Variants in BZW2 observed in about 807,000 individuals in gnomAD.
BZW2 encodes the protein eIF5-mimic protein 1.
Under a neutral mutation model 53.2 loss-of-function variants are expected in BZW2, and 23 were observed. That is an observed-to-expected ratio of 0.43 (90% CI 0.31 to 0.61). The LOEUF (loss-of-function observed/expected upper bound fraction) is 0.61. BZW2 is among the 20% of genes least tolerant of loss of function. BZW2 has a pLI of 0.09. For missense variants in BZW2, 409 were observed against 503.1 expected (o/e 0.81, Z 1.79); for synonymous variants, 227 against 186.4 (o/e 1.22, Z -1.77).
intron 1 of BZW2, among the ~76,000 whole-genome samples, chr7:16,653,578 A>G (rs1782041334): frequency 6.6e-6 from 1 of 152,208 alleles, no homozygotes; most frequent in Non-Finnish European, 1.5e-5. Flanking sequence ...AGTAAATCTC[A>G]TATAAAATCA....
chr7:16,671,507 G>A (rs1304980668), intron 2 of BZW2, among the ~76,000 whole-genome samples: 1 of 152,134 alleles, frequency 6.6e-6, no homozygotes, highest in Non-Finnish European at 1.5e-5. Flanking sequence ...TTATCCACAA[G>A]AGTACTATTG....
At chr7:16,650,103 A>T (rs1164297689) in intron 1 of BZW2, among the ~76,000 whole-genome samples, 1 of 152,186 alleles carries the variant, frequency 6.6e-6, no homozygotes, top group Non-Finnish European at 1.5e-5. Context: ...TATTCATTTA[A>T]GTGTTAAAAC....
At chr7:16,670,883 T>G (rs1782578335) in intron 2 of BZW2, among the ~76,000 whole-genome samples, 1 of 152,206 alleles carries the variant, frequency 6.6e-6, no homozygotes, top group Non-Finnish European at 1.5e-5. Flanking sequence ...CCCAGTTAAT[T>G]TATGTGTGTC....
Position 16,689,859 on chromosome 7 carries a change from T to C in BZW2, c.604T>C (p.Ser202Pro). The change falls in exon 7 of 12, where the codon TCT becomes CCT. Residue 202 changes from serine to proline, a missense_variant. Physicochemically the swap from Ser to Pro is moderately conservative, Grantham distance 74. This residue lies in a region of BZW2 where 316 missense variants were observed against 366.8 expected (regional missense o/e 0.86). Coordinates refer to ENST00000258761, the MANE Select transcript of BZW2 (RefSeq NM_014038.3). The stretch of plus-strand genomic sequence containing the variant: ...ATGGATGGCAGAAAAAGATGCCAAC[T>C]CTGTTACCTCGTCTTTGAGAAAAGC... ...KAWMAEKDAN[S>P]VTSSLRKANL... 6.2e-7 allele frequency: 1 copy of C among 1,612,188 alleles called. No homozygotes were observed. The highest frequency in any genetic ancestry group is 8.5e-7 in the Non-Finnish European group (1 of 1,179,072).
intron 1 of BZW2, among the ~76,000 whole-genome samples, chr7:16,654,169 G>A (rs967647829): frequency 2.6e-5 from 4 of 151,176 alleles, no homozygotes; most frequent in Admixed American, 2.0e-4. Context: ...GGCAGAGTTT[G>A]CAGTGAGCTG....
intron 9 of BZW2, among the ~76,000 whole-genome samples, chr7:16,697,464 T>C (rs1450903763): frequency 6.6e-6 from 1 of 152,178 alleles, no homozygotes; most frequent in Non-Finnish European, 1.5e-5. Flanking sequence ...AAACATATAC[T>C]TCCTAATTTT....
chr7:16,667,075 T>G (rs6946547), intron 2 of BZW2, among the ~76,000 whole-genome samples: 150,694 of 152,186 alleles, frequency 0.99, 74,620 homozygotes, highest in East Asian at 1. Context: ...CTAAGGTTGG[T>G]AGTTTGAGAC....
chr7:16,665,050 G>A (rs958191840), intron 1 of BZW2, among the ~76,000 whole-genome samples: 11 of 152,084 alleles, frequency 7.2e-5, no homozygotes, highest in Non-Finnish European at 1.3e-4. Flanking sequence ...CGTGGCTCAC[G>A]CCTGTAATCC....
intron 1 of BZW2, among the ~76,000 whole-genome samples, chr7:16,661,800 T>C (rs1782271023): frequency 6.6e-6 from 1 of 152,152 alleles, no homozygotes; most frequent in African/African-American, 2.4e-5. Flanking sequence ...TTTGGTAGAA[T>C]ATGTGTGTAT....
At chr7:16,656,596 C>CACACACACA (rs887719180) in intron 1 of BZW2, among the ~76,000 whole-genome samples, 6 of 140,116 alleles carry the variant, frequency 4.3e-5, no homozygotes, top group African/African-American at 1.5e-4. Flanking sequence ...CACACACACA[C>CACACACACA]AAGTAGGTTT....
chr7:16,651,310 C>T, intron 1 of BZW2, among the ~76,000 whole-genome samples: 1 of 152,096 alleles, frequency 6.6e-6, no homozygotes, highest in East Asian at 1.9e-4. Flanking sequence ...TCAAGAAAAG[C>T]CCTGGGGCAG....
intron 7 of BZW2, among the ~76,000 whole-genome samples, chr7:16,690,918 G>A (rs980345710): frequency 3.9e-5 from 6 of 152,152 alleles, no homozygotes; most frequent in African/African-American, 1.4e-4. Context: ...AAGACACAGC[G>A]CTGCCATCTC....
intron 2 of BZW2, 86 bp downstream of exon 2, chr7:16,665,587 C>A: frequency 1.3e-6 from 2 of 1,553,826 alleles, no homozygotes; most frequent in Non-Finnish European, 1.7e-6. Flanking sequence ...CCCTGTTTCC[C>A]CCAGCCTCAC....
chr7:16,668,623 T>C (rs1782505234), intron 2 of BZW2, among the ~76,000 whole-genome samples: 1 of 152,196 alleles, frequency 6.6e-6, no homozygotes, highest in Non-Finnish European at 1.5e-5. Context: ...TTTGTAGAGC[T>C]GGGGAAAATT....
chr7:16,670,008 G>A (rs1176916865), intron 2 of BZW2, among the ~76,000 whole-genome samples: 1 of 152,174 alleles, frequency 6.6e-6, no homozygotes, highest in Non-Finnish European at 1.5e-5. Context: ...TAGTTCCAAA[G>A]TTGTCTTGTT....
rs147470653 is a variant in BZW2 at position 16,687,809 on chromosome 7, C to T, written c.541+1769C>T. Among the ~76,000 whole-genome samples the T allele has an allele frequency of 6.1e-3, 935 of 152,210 alleles. 13 individuals carry two copies. The highest frequency in any genetic ancestry group is 0.022 in the African/African-American group (903 of 41,550). ...AATGACCAAGGGAGATGGGATTATC[C>T]TACTCAGAGGAGTAACTATAAAGAA... is the stretch of plus-strand genomic sequence containing the variant. On this transcript the variant is annotated intron_variant, in intron 6 of 11. Transcript: ENST00000258761.
intron 10 of BZW2, among the ~76,000 whole-genome samples, chr7:16,703,104 C>T (rs976671663): frequency 1.3e-5 from 2 of 152,094 alleles, no homozygotes; most frequent in Non-Finnish European, 2.9e-5. Flanking sequence ...AGCTCTATGA[C>T]AATTAGGCTC....
At chr7:16,694,513 C>T (rs1179518070) in intron 7 of BZW2, among the ~76,000 whole-genome samples, 1 of 152,010 alleles carries the variant, frequency 6.6e-6, no homozygotes, top group Non-Finnish European at 1.5e-5. Flanking sequence ...ACCCACTAAT[C>T]CATGAATGGA....
At chr7:16,689,504 G>C in intron 6 of BZW2, among the ~76,000 whole-genome samples, 1 of 152,046 alleles carries the variant, frequency 6.6e-6, no homozygotes, top group East Asian at 1.9e-4. Context: ...AAAGATACTG[G>C]GTGTGAAATA....
Sources: gnomAD v4.1 joint callset for allele counts (sites outside exome capture counted in the v4.1 genomes callset) on GRCh38, gnomAD v4.1.1 for gene constraint, gnomAD v4.1.1 regional missense constraint, MANE v1.5 for transcripts, NCBI Gene and HGNC (gene_info 2026-07-23, HGNC 2026-07-21) for gene names.